AVEN: variants seen among roughly 807,000 people sequenced by gnomAD.
AVEN encodes the protein cell death regulator Aven.
In AVEN, 41 loss-of-function variants were observed where a neutral mutation model predicts 38.1. The observed-to-expected ratio is 1.08, with a 90% CI of 0.84 to 1.40. AVEN has a LOEUF of 1.40. AVEN is among the 40% of genes most tolerant of loss of function. The pLI is 0.00. For missense variants in AVEN, 605 were observed against 438.8 expected (o/e 1.38, Z -3.38); for synonymous variants, 206 against 171.8 (o/e 1.20, Z -1.56).
chr15:33,859,533 A>G (rs1236849103), intron 11 of AVEN: 5 of 1,609,726 alleles, frequency 3.1e-6, no homozygotes, highest in Non-Finnish European at 4.3e-6. Context: ...TAAAAACAGA[A>G]CTGTGACTTT....
At chr15:33,917,069 C>T (rs1413593619) in intron 2 of AVEN, among the ~76,000 whole-genome samples, 1 of 152,098 alleles carries the variant, frequency 6.6e-6, no homozygotes, top group Non-Finnish European at 1.5e-5. Flanking sequence ...CCACAACCCA[C>T]AACACATGGG....
chr15:34,048,837 G>A (rs1046414105), intron 5 of AVEN, among the ~76,000 whole-genome samples: 1 of 152,188 alleles, frequency 6.6e-6, no homozygotes, highest in Non-Finnish European at 1.5e-5. Flanking sequence ...CCAAAGGAAG[G>A]AGCAGTCTGC....
chr15:33,860,540 C>A, intron 11 of AVEN: 1 of 1,042,256 alleles, frequency 9.6e-7, no homozygotes, highest in Non-Finnish European at 1.4e-6. Context: ...CTTTATCATT[C>A]CTCTACCCCT....
At chr15:33,987,240 T>C (rs189603847) in intron 2 of AVEN, among the ~76,000 whole-genome samples, 1 of 152,236 alleles carries the variant, frequency 6.6e-6, no homozygotes, top group African/African-American at 2.4e-5. Flanking sequence ...GTATCCCATA[T>C]GTGCTTTATT....
chr15:33,861,558 C>G (rs1888225575), downstream of AVEN, among the ~76,000 whole-genome samples: 1 of 151,946 alleles, frequency 6.6e-6, no homozygotes, highest in South Asian at 2.1e-4. Flanking sequence ...CTTCTTTTTC[C>G]CTTTCAGCAC....
chr15:33,866,433 G>A lies in AVEN; in HGVS notation c.*180C>T, dbSNP rs1890506422. 1.0e-5 allele frequency: 6 copies of A among 589,124 alleles called. No homozygotes were observed. The highest frequency in any genetic ancestry group is 3.7e-5 in the African/African-American group (2 of 53,626). 36.5% of individuals were successfully genotyped at this position (589,124 alleles called of 1,614,324 possible). A position where few individuals can be genotyped will look rare whatever the true frequency, so the allele number is the denominator to read the frequency against. ...TAAGCCAGAAAAACAAATGCAACAAGCTGCTTCAATGTATTCTTTCAGATG... is the reference window on the plus strand; with the variant it reads ...TAAGCCAGAAAAACAAATGCAACAAACTGCTTCAATGTATTCTTTCAGATG... On this transcript the variant is annotated 3_prime_UTR_variant, in exon 6 of 6. Transcript: ENST00000306730.
At chr15:33,887,689 CTT>C (rs1397209156) in intron 2 of AVEN, among the ~76,000 whole-genome samples, 4 of 152,070 alleles carry the variant, frequency 2.6e-5, no homozygotes, top group African/African-American at 2.4e-5. Context: ...AAAAAAGAAA[CTT>C]AAAGGAAATC....
chr15:33,895,740 T>A (rs1328005231), intron 2 of AVEN, among the ~76,000 whole-genome samples: 1 of 152,188 alleles, frequency 6.6e-6, no homozygotes, highest in Non-Finnish European at 1.5e-5. Flanking sequence ...GAACAACCCA[T>A]TATCTGTATT....
At chr15:33,889,689 A>C (rs1460045127) in intron 2 of AVEN, among the ~76,000 whole-genome samples, 1 of 152,236 alleles carries the variant, frequency 6.6e-6, no homozygotes, top group Non-Finnish European at 1.5e-5. Context: ...GCTGTGATTT[A>C]AATGGGCAAA....
At chr15:33,982,798 TTC>T (rs58340239) in intron 2 of AVEN, among the ~76,000 whole-genome samples, 39,811 of 150,190 alleles carry the variant, frequency 0.27, 7,229 homozygotes, top group African/African-American at 0.5. Context: ...ATCAACCACA[TTC>T]TCTCTCTCTC....
chr15:33,938,183 C>A (rs56269252), intron 2 of AVEN, among the ~76,000 whole-genome samples: 3,587 of 152,016 alleles, frequency 0.024, 68 homozygotes, highest in African/African-American at 0.048. Context: ...TGGCCAGTCG[C>A]GGTGGCTCAC....
downstream of AVEN, among the ~76,000 whole-genome samples, chr15:33,862,606 A>AAAAC (rs1393872775): frequency 5.9e-5 from 9 of 152,280 alleles, no homozygotes; most frequent in East Asian, 1.7e-3. Flanking sequence ...GTTTAAGTCA[A>AAAAC]AAACATGAGT....
intron 2 of AVEN, among the ~76,000 whole-genome samples, chr15:33,988,241 GT>G (rs904581511): frequency 6.4e-4 from 98 of 152,118 alleles, no homozygotes; most frequent in African/African-American, 2.3e-3. Context: ...AATAAACATA[GT>G]TTTTTTTAGT....
chr15:34,002,920 CA>C (rs1256057338), intron 2 of AVEN, 111 bp downstream of exon 2: 1 of 1,033,796 alleles, frequency 9.7e-7, no homozygotes, highest in Non-Finnish European at 1.4e-6. Context: ...ATTAAAAATC[CA>C]AAGAACAAAG....
chr15:33,958,201 A>G (rs1329669359), intron 2 of AVEN, among the ~76,000 whole-genome samples: 2 of 152,254 alleles, frequency 1.3e-5, no homozygotes, highest in African/African-American at 4.8e-5. Context: ...TCAAAATATT[A>G]TCTTTAACCA....
In AVEN at chr15:33,992,389, C is replaced by CAAA. The variant is rs145900095; in HGVS notation, c.445+10640_445+10642dup. ...TGCGCGACAGATCAGGACTCCGTCTCAAAAAAAAAGAAAAAAGAAAATCAA... is the reference window on the plus strand; with the variant it reads ...TGCGCGACAGATCAGGACTCCGTCTCAAAAAAAAAAAAGAAAAAAGAAAATCAA... On this transcript the variant is annotated intron_variant, in intron 2 of 5. Coordinates refer to ENST00000306730, the MANE Select transcript of AVEN (RefSeq NM_020371.3). Among the ~76,000 whole-genome samples, 140 of 147,582 alleles carry CAAA rather than the reference C, an allele frequency of 9.5e-4. 1 individual carries two copies. The South Asian group carries it at 0.021, about 22-fold the overall frequency.
intron 2 of AVEN, among the ~76,000 whole-genome samples, chr15:34,068,757 C>T (rs1244452400): frequency 1.3e-5 from 2 of 151,828 alleles, no homozygotes; most frequent in Non-Finnish European, 2.9e-5. Context: ...TTTAATCTGT[C>T]TACAGCTTTT....
chr15:33,939,689 C>T (rs1480767728), intron 2 of AVEN, among the ~76,000 whole-genome samples: 1 of 152,128 alleles, frequency 6.6e-6, no homozygotes, highest in Non-Finnish European at 1.5e-5. Context: ...CTAAACGTTG[C>T]TACAGCTCTA....
chr15:34,007,786 T>C (rs1897421503), intron 1 of AVEN, among the ~76,000 whole-genome samples: 1 of 152,176 alleles, frequency 6.6e-6, no homozygotes, highest in South Asian at 2.1e-4. Flanking sequence ...ATCTGGGTAT[T>C]GGTAGGGTTG....
Sources: allele counts gnomAD v4.1 joint callset (sites outside exome capture counted in the v4.1 genomes callset), GRCh38; gene constraint gnomAD v4.1.1; transcripts MANE v1.5; gene names NCBI Gene and HGNC (gene_info 2026-07-23, HGNC 2026-07-21).